Variants in RTN4RL1 observed in about 807,000 individuals in gnomAD.
RTN4RL1 encodes the protein reticulon-4 receptor-like 1.
In RTN4RL1, 7 loss-of-function variants were observed where a neutral mutation model predicts 25.6. The ratio of observed to expected loss-of-function variants is 0.27; its 90% CI spans 0.16 to 0.51. RTN4RL1 has a LOEUF of 0.51. Ranked by LOEUF, RTN4RL1 falls within the 20% of genes least tolerant of loss-of-function variation. The probability of loss-of-function intolerance (pLI) is 0.97; values close to 1 mark genes in which losing one functional copy is unlikely to be tolerated. For missense variants in RTN4RL1, 500 were observed against 615.6 expected (o/e 0.81, Z 1.99); for synonymous variants, 297 against 288.2 (o/e 1.03, Z -0.31).
At chr17:2,009,624 A>G (rs1466055485) in intron 1 of RTN4RL1, among the ~76,000 whole-genome samples, 1 of 124,592 alleles carries the variant, frequency 8.0e-6, no homozygotes, top group Non-Finnish European at 1.7e-5. Flanking sequence ...ATTCATGGGA[A>G]TCAATCTCTG....
chr17:2,017,682 TACACAC>T lies in RTN4RL1; in HGVS notation c.13+7165_13+7170del, dbSNP rs5741760. 527 of 150,476 alleles carry T rather than the reference TACACAC, an allele frequency of 3.5e-3. 1 individual carries two copies. The highest frequency in any genetic ancestry group is 0.014 in the Middle Eastern group (4 of 288). The allele number at this position is 150,476 out of a possible 1,614,324, so 9.3% of individuals were successfully genotyped here. A position where few individuals can be genotyped will look rare whatever the true frequency, so the allele number is the denominator to read the frequency against. ...GCTTTGCCAGGTGTGTTTCTGTACA[TACACAC>T]ACACACACACACACACACGCACACA... On this transcript the variant is annotated intron_variant, in intron 1 of 1. Coordinates refer to ENST00000331238, the MANE Select transcript of RTN4RL1 (RefSeq NM_178568.4).
chr17:1,968,463 T>A (rs567193505), intron 1 of RTN4RL1, among the ~76,000 whole-genome samples: 25 of 152,326 alleles, frequency 1.6e-4, no homozygotes, highest in Non-Finnish European at 1.5e-5. Flanking sequence ...CCCCCTTCTC[T>A]ATCGGAGTTT....
At chr17:1,974,856 G>A (rs1224680565) in intron 1 of RTN4RL1, among the ~76,000 whole-genome samples, 2 of 152,230 alleles carry the variant, frequency 1.3e-5, no homozygotes, top group East Asian at 3.8e-4. Flanking sequence ...CATCAGCATA[G>A]GCCAGCTTCC....
At chr17:1,946,816 G>A (rs1915557379) in intron 1 of RTN4RL1, among the ~76,000 whole-genome samples, 1 of 147,252 alleles carries the variant, frequency 6.8e-6, no homozygotes, top group African/African-American at 2.5e-5. Flanking sequence ...TGTGTGAATT[G>A]TGTGTGCACG....
intron 1 of RTN4RL1, among the ~76,000 whole-genome samples, chr17:1,956,232 C>T (rs1250988372): frequency 6.6e-6 from 1 of 152,066 alleles, no homozygotes; most frequent in East Asian, 1.9e-4. Flanking sequence ...GGGGTGCAGG[C>T]GAATAGGTAA....
At chr17:1,940,503 C>T (rs1166280290) in intron 1 of RTN4RL1, among the ~76,000 whole-genome samples, 2 of 152,184 alleles carry the variant, frequency 1.3e-5, no homozygotes, top group African/African-American at 4.8e-5. Context: ...AGGCTCAGAT[C>T]TGGCTTCCAG....
rs958963003 is a variant in RTN4RL1, at chr17:1,998,637, C to A, written c.13+26216G>T. On this transcript the variant is annotated intron_variant, in intron 1 of 1. Coordinates refer to ENST00000331238, the MANE Select transcript of RTN4RL1 (RefSeq NM_178568.4). The surrounding 1 kb of genome is among the most constrained non-coding windows in gnomAD (Gnocchi z 4.9). Reference sequence around the variant, plus strand: ...TGGGGCCGGCTCGCCTCCTCCTGGGCTCGCCGGGATGTGGCCTCCGAGGTC... The same window carrying A: ...TGGGGCCGGCTCGCCTCCTCCTGGGATCGCCGGGATGTGGCCTCCGAGGTC... Among the ~76,000 whole-genome samples the A allele has an allele frequency of 6.6e-6, 1 of 151,978 alleles. No individual in the cohort carries two copies. Among genetic ancestry groups the A allele is most frequent in the South Asian group, 2.1e-4 (1 of 4,790 alleles).
intron 1 of RTN4RL1, among the ~76,000 whole-genome samples, chr17:1,948,859 C>A (rs1212589386): frequency 6.6e-6 from 1 of 151,816 alleles, no homozygotes; most frequent in African/African-American, 2.4e-5. Context: ...GTGGTGAAAT[C>A]TTGGCTCACT....
At chr17:1,985,540 A>T (rs1044625838) in intron 1 of RTN4RL1, among the ~76,000 whole-genome samples, 5 of 152,174 alleles carry the variant, frequency 3.3e-5, no homozygotes, top group African/African-American at 7.2e-5. Context: ...AGGAACATAA[A>T]CCGGGTTTAC....
intron 1 of RTN4RL1, among the ~76,000 whole-genome samples, chr17:1,960,314 A>G (rs1053766964): frequency 6.6e-6 from 1 of 151,932 alleles, no homozygotes; most frequent in African/African-American, 2.4e-5. Flanking sequence ...AGCCAGAAGG[A>G]TCTTCAAAAA....
In RTN4RL1 at chr17:1,971,691, G is replaced by A. The variant is rs946770690; in HGVS notation, c.14-33883C>T. 9.9e-5 allele frequency among the ~76,000 whole-genome samples: 15 copies of A among 151,830 alleles called. No homozygotes were observed. The East Asian group carries it at 1.4e-3, about 14-fold the overall frequency. ...CAAAAAAAAAATTTAGGCCAGGCAC[G>A]GTGGCTCAAGCCTGTAATCCCAGCA... is the stretch of plus-strand genomic sequence containing the variant. On this transcript the variant is annotated intron_variant, in intron 1 of 1. Coordinates refer to ENST00000331238, the MANE Select transcript of RTN4RL1 (RefSeq NM_178568.4).
intron 1 of RTN4RL1, among the ~76,000 whole-genome samples, chr17:2,006,261 A>C (rs918537878): frequency 6.7e-6 from 1 of 150,272 alleles, no homozygotes; most frequent in Non-Finnish European, 1.5e-5. Context: ...AGGTTCAAGC[A>C]ATTCTCAAGC....
At chr17:1,946,408 G>A (rs1246570465) in intron 1 of RTN4RL1, among the ~76,000 whole-genome samples, 3 of 152,262 alleles carry the variant, frequency 2.0e-5, no homozygotes, top group Admixed American at 6.5e-5. Context: ...GAGCCTGTGC[G>A]TGGTGTGTGT....
At chr17:1,937,865 CGCACCCTCCG>C in intron 1 of RTN4RL1, 57 bp from the exon 2 acceptor site, 1 of 1,355,018 alleles carries the variant, frequency 7.4e-7, no homozygotes. Context: ...GGACTGGCAC[CGCACCCTCCG>C]GCGCCCGCCG....
intron 1 of RTN4RL1, among the ~76,000 whole-genome samples, chr17:1,960,951 G>A (rs75891356): frequency 0.21 from 31,706 of 151,950 alleles, 3,505 homozygotes; most frequent in Middle Eastern, 0.29. Flanking sequence ...CTCTGCTCCT[G>A]GCCACTCTCA....
Position 1,952,331 on chromosome 17 carries a change from G to GTTTTTTT in RTN4RL1, c.14-14524_14-14523insAAAAAAA, listed in dbSNP as rs1213295319. Among the ~76,000 whole-genome samples the GTTTTTTT allele has an allele frequency of 7.0e-5, 7 of 99,830 alleles. 1 individual carries two copies. Among genetic ancestry groups the GTTTTTTT allele is most frequent in the Admixed American group, 3.1e-4 (3 of 9,732 alleles). 65.5% of individuals were successfully genotyped at this position (99,830 alleles called of 152,430 possible). On this transcript the variant is annotated intron_variant, in intron 1 of 1. Coordinates refer to ENST00000331238, the MANE Select transcript of RTN4RL1 (RefSeq NM_178568.4). Reference sequence around the variant, plus strand: ...GGAGGGGCATGGGTCAAGGGAGGTTGGTTTTTTTTTTTTTTTTTTTTTTGA... The same window carrying GTTTTTTT: ...GGAGGGGCATGGGTCAAGGGAGGTTGTTTTTTTGTTTTTTTTTTTTTTTTTTTTTTGA...
chr17:1,944,623 A>G (rs1480406570), intron 1 of RTN4RL1, among the ~76,000 whole-genome samples: 1 of 151,904 alleles, frequency 6.6e-6, no homozygotes, highest in East Asian at 1.9e-4. Flanking sequence ...CACCCGGCTA[A>G]TTTTTGTATT....
intron 1 of RTN4RL1, among the ~76,000 whole-genome samples, chr17:2,012,157 T>G (rs10852907): frequency 1.4e-4 from 22 of 152,200 alleles, no homozygotes; most frequent in African/African-American, 5.3e-4. Context: ...AGAGTGTCCA[T>G]GAGAGGTTTC....
At chr17:1,991,651 T>G (rs1458226157) in intron 1 of RTN4RL1, among the ~76,000 whole-genome samples, 1 of 152,112 alleles carries the variant, frequency 6.6e-6, no homozygotes, top group Non-Finnish European at 1.5e-5. Context: ...GGTAGCGCCA[T>G]GTATTACCAC....
Sources: gnomAD v4.1 joint callset for allele counts (sites outside exome capture counted in the v4.1 genomes callset) on GRCh38, gnomAD v4.1.1 for gene constraint, Gnocchi (gnomAD v3.1) non-coding constraint, MANE v1.5 for transcripts, NCBI Gene and HGNC (gene_info 2026-07-23, HGNC 2026-07-21) for gene names.